NEK10: variants seen among roughly 807,000 people sequenced by gnomAD.
The protein encoded by NEK10 is NIMA related kinase 10, also known as serine/threonine-protein kinase Nek10.
In NEK10, 122 loss-of-function variants were observed where a neutral mutation model predicts 159.8. That is an observed-to-expected ratio of 0.76 (90% CI 0.66 to 0.89). NEK10 has a LOEUF of 0.89. Among genes scored for constraint, NEK10 ranks in the 40% least tolerant of loss-of-function variants. The pLI is 0.00. For missense variants in NEK10, 1,342 were observed against 1,323.1 expected, an observed-to-expected ratio of 1.01 and a Z score of -0.22; for synonymous variants, 466 against 457.1, an observed-to-expected ratio of 1.02 and a Z score of -0.25.
At chr3:27,278,615 C>A (rs2041934101) in intron 22 of NEK10, 10 of 766,194 alleles carry the variant, frequency 1.3e-5, no homozygotes, top group Non-Finnish European at 1.6e-5. Context: ...AACATGTGAC[C>A]TTCTGTGTCA....
intron 29 of NEK10, among the ~76,000 whole-genome samples, chr3:27,165,251 G>T (rs1383779937): frequency 6.6e-6 from 1 of 152,168 alleles, no homozygotes; most frequent in Non-Finnish European, 1.5e-5. Context: ...CTAACCGCAA[G>T]AAAATATAGT....
At chr3:27,356,677 T>C (rs1370130577) in intron 1 of NEK10, among the ~76,000 whole-genome samples, 2 of 152,170 alleles carry the variant, frequency 1.3e-5, no homozygotes, top group Non-Finnish European at 2.9e-5. Flanking sequence ...GGCTTCTCCA[T>C]ATCCTTTGGG....
At chr3:27,309,071 C>T in intron 9 of NEK10, 66 bp from the exon 10 acceptor site, 1 of 759,580 alleles carries the variant, frequency 1.3e-6, no homozygotes, top group Non-Finnish European at 2.2e-6. Flanking sequence ...TCAACATTAA[C>T]ATTAATTTAT....
At chr3:27,206,625 C>A in intron 23 of NEK10, 1 of 985,334 alleles carries the variant, frequency 1.0e-6, no homozygotes, top group Non-Finnish European at 1.2e-6. Context: ...AAACCATATG[C>A]TGGTAACTCG....
intron 26 of NEK10, among the ~76,000 whole-genome samples, chr3:27,180,130 C>T (rs1259446455): frequency 6.6e-6 from 1 of 151,808 alleles, no homozygotes; most frequent in Non-Finnish European, 1.5e-5. Flanking sequence ...CATGGTGGCT[C>T]ATGCCTTTAA....
intron 23 of NEK10, chr3:27,255,348 A>G (rs756702021): frequency 2.5e-6 from 1 of 407,240 alleles, no homozygotes; most frequent in Middle Eastern, 3.5e-4. Flanking sequence ...AAGATAAATG[A>G]AAAGTCACCC....
At chr3:27,322,452 G>A (rs1407520042) in intron 5 of NEK10, among the ~76,000 whole-genome samples, 191 bp from the exon 6 acceptor site, 1 of 147,896 alleles carries the variant, frequency 6.8e-6, no homozygotes, top group Non-Finnish European at 1.5e-5. Context: ...CTTTTTCAGT[G>A]TGGAGGAGAG....
Position 27,311,008 on chromosome 3 carries a change from G to C in NEK10, c.577C>G (p.Gln193Glu). The change falls in exon 9 of 36, where the codon CAA (glutamine) becomes GAA (glutamate). Residue 193 changes from glutamine (Q) to glutamate (E), a missense_variant. Transcript: ENST00000691995. ...DKLVNMTYIF[Q>E]KLAAVKDQRE... ...TGATCTTTGACTGCAGCAAGTTTTT[G>C]AAAAATATCTATAAAGGAAAGAAAG... 6.2e-7 allele frequency: 1 copy of C among 1,607,708 alleles called. No homozygotes were observed. The highest frequency in any genetic ancestry group is 1.7e-4 in the Middle Eastern group (1 of 6,046).
rs1331800499 is a variant in NEK10 at position 27,194,212 on chromosome 3, G to T, written c.2292-1970C>A. On this transcript the variant is annotated intron_variant, in intron 25 of 35. Coordinates refer to ENST00000691995, the MANE Select transcript of NEK10 (RefSeq NM_001394966.1). ...GCAGTCTCGGCTAACTGCAAGCTCC[G>T]CCTCCCGGGTTCAGGCCATTCTCCT... 4.7e-5 allele frequency: 7 copies of T among 149,010 alleles called. No individual in the cohort carries two copies. The East Asian group carries it at 1.4e-3, about 30-fold the overall frequency. The allele number at this position is 149,010 out of a possible 1,614,324, so 9.2% of individuals were successfully genotyped here. A position where few individuals can be genotyped will look rare whatever the true frequency, so the allele number is the denominator to read the frequency against.
intron 32 of NEK10, among the ~76,000 whole-genome samples, chr3:27,120,252 A>G (rs1575379606): frequency 2.0e-5 from 3 of 149,902 alleles, no homozygotes; most frequent in African/African-American, 7.3e-5. Flanking sequence ...CCAAATCACT[A>G]TTTTTTTTTC....
At chr3:27,287,156 G>A (rs926543835) in intron 20 of NEK10, among the ~76,000 whole-genome samples, 171 of 102,424 alleles carry the variant, frequency 1.7e-3, no homozygotes, top group African/African-American at 7.3e-3. Context: ...AAAAAAAAAA[G>A]AGTGGCTGAG....
chr3:27,220,950 G>C (rs1227568424), intron 23 of NEK10, among the ~76,000 whole-genome samples: 1 of 152,066 alleles, frequency 6.6e-6, no homozygotes, highest in Non-Finnish European at 1.5e-5. Context: ...AATGGTACTG[G>C]GACAACTGGA....
At chr3:27,152,382 C>T (rs1369931815) in intron 30 of NEK10, among the ~76,000 whole-genome samples, 2 of 152,214 alleles carry the variant, frequency 1.3e-5, no homozygotes, top group Admixed American at 6.5e-5. Context: ...AACTTTGTAT[C>T]CAACAAAACT....
chr3:27,176,352 G>A (rs1947502714), intron 26 of NEK10, among the ~76,000 whole-genome samples: 1 of 152,144 alleles, frequency 6.6e-6, no homozygotes. Flanking sequence ...ACTCTGAGTT[G>A]TTAATTTCTG....
intron 26 of NEK10, among the ~76,000 whole-genome samples, chr3:27,180,863 C>T (rs551102580): frequency 6.4e-4 from 98 of 152,206 alleles, no homozygotes; most frequent in African/African-American, 1.8e-3. Context: ...TCAGCGGCCA[C>T]CTATATCATT....
intron 23 of NEK10, among the ~76,000 whole-genome samples, chr3:27,244,371 A>C (rs1040091806): frequency 2.6e-5 from 4 of 152,212 alleles, no homozygotes; most frequent in African/African-American, 7.2e-5. Flanking sequence ...TGCTGGGCCA[A>C]GCCCTGAAGT....
intron 22 of NEK10, chr3:27,279,120 C>T (rs2149433090): frequency 6.3e-6 from 1 of 159,188 alleles, no homozygotes; most frequent in East Asian, 1.9e-4. Flanking sequence ...AAGCAAACTC[C>T]TGCCAGCATG....
intron 30 of NEK10, among the ~76,000 whole-genome samples, chr3:27,155,434 G>A (rs966232727): frequency 1.3e-4 from 19 of 151,740 alleles, no homozygotes; most frequent in South Asian, 6.3e-4. Flanking sequence ...CCCGGGAGGC[G>A]GAGGTTGCAG....
intron 26 of NEK10, among the ~76,000 whole-genome samples, chr3:27,182,750 A>G (rs894543190): frequency 1.3e-5 from 2 of 152,164 alleles, no homozygotes; most frequent in Non-Finnish European, 2.9e-5. Flanking sequence ...CAGTCATAAA[A>G]AAGAATGAAC....
Sources: gnomAD v4.1 joint callset for allele counts (sites outside exome capture counted in the v4.1 genomes callset) on GRCh38, gnomAD v4.1.1 for gene constraint, MANE v1.5 for transcripts, NCBI Gene and HGNC (gene_info 2026-07-23, HGNC 2026-07-21) for gene names.